KCNS3: variants seen among roughly 807,000 people sequenced by gnomAD.
The protein encoded by KCNS3 is delayed-rectifier potassium channel regulatory subunit KCNS3.
KCNS3 carries 13 observed loss-of-function variants against 31.0 expected under a neutral mutation model. The ratio of observed to expected loss-of-function variants is 0.42; its 90% CI spans 0.27 to 0.67. KCNS3 has a LOEUF of 0.67. Ranked by LOEUF, KCNS3 falls within the 30% of genes least tolerant of loss-of-function variation. The pLI is 0.25. For missense variants in KCNS3, 545 were observed against 622.4 expected (o/e 0.88, Z 1.32); for synonymous variants, 238 against 241.5 (o/e 0.99, Z 0.13).
At chr2:17,911,249 C>A (rs539009614) in intron 1 of KCNS3, among the ~76,000 whole-genome samples, 1 of 152,244 alleles carries the variant, frequency 6.6e-6, no homozygotes, top group Non-Finnish European at 1.5e-5. Flanking sequence ...CTTCTCAGCT[C>A]CTGTAAGCTT....
intron 1 of KCNS3, among the ~76,000 whole-genome samples, chr2:17,916,440 C>T (rs1013350299): frequency 2.6e-5 from 4 of 152,014 alleles, no homozygotes; most frequent in African/African-American, 9.7e-5. Context: ...TTTTACTTAC[C>T]CTGTTGAGAT....
chr2:17,879,652 C>T (rs1674593941), intron 1 of KCNS3, among the ~76,000 whole-genome samples: 1 of 152,164 alleles, frequency 6.6e-6, no homozygotes. Context: ...GGGCGCCTTT[C>T]GCATTGCAGG....
chr2:17,894,597 C>T (rs4832512), intron 1 of KCNS3, among the ~76,000 whole-genome samples: 49,713 of 152,144 alleles, frequency 0.33, 8,798 homozygotes, highest in East Asian at 0.58. Context: ...CTCACAGAAA[C>T]TTTGATTGTG....
At chr2:17,916,443 G>A (rs1662587968) in intron 1 of KCNS3, among the ~76,000 whole-genome samples, 1 of 152,168 alleles carries the variant, frequency 6.6e-6, no homozygotes, top group Non-Finnish European at 1.5e-5. Flanking sequence ...TACTTACCCT[G>A]TTGAGATTTC....
In KCNS3 at chr2:17,884,000, G is replaced by T. The variant is rs1418239437; in HGVS notation, c.-252+5194G>T. On this transcript the variant is annotated intron_variant, in intron 1 of 2. Coordinates refer to ENST00000304101, the MANE Select transcript of KCNS3 (RefSeq NM_002252.5). ...AAACCATCATTCTCAGCAAACTATCGCAAGGACAAAAAACCAAACACTGCA... is the reference window on the plus strand; with the variant it reads ...AAACCATCATTCTCAGCAAACTATCTCAAGGACAAAAAACCAAACACTGCA... Among the ~76,000 whole-genome samples the T allele has an allele frequency of 4.0e-5, 6 of 149,214 alleles. No individual in the cohort carries two copies. The East Asian group carries it at 1.2e-3, about 30-fold the overall frequency.
At chr2:17,899,174 C>T (rs1558450235) in intron 1 of KCNS3, among the ~76,000 whole-genome samples, 1 of 151,616 alleles carries the variant, frequency 6.6e-6, no homozygotes, top group Non-Finnish European at 1.5e-5. Flanking sequence ...TTCAGTGAGC[C>T]GAGATCCCAC....
rs187018590 is a variant in KCNS3, at chr2:17,932,600, A to G, written c.*116A>G. On this transcript the variant is annotated 3_prime_UTR_variant, in exon 3 of 3. Transcript: ENST00000304101. The stretch of plus-strand genomic sequence containing the variant: ...AATTCTCAGGGTGTACCTTTCAGCC[A>G]TAGTTGGACATTCATTGCTGAATTC... 266 of 1,082,450 alleles carry G rather than the reference A, an allele frequency of 2.5e-4. No individual in the cohort carries two copies. The highest frequency in any genetic ancestry group is 3.1e-4 in the Non-Finnish European group (236 of 756,366). The allele number at this position is 1,082,450 out of a possible 1,614,324, so 67.1% of individuals were successfully genotyped here. A position where few individuals can be genotyped will look rare whatever the true frequency, so the allele number is the denominator to read the frequency against.
intron 1 of KCNS3, among the ~76,000 whole-genome samples, chr2:17,908,898 T>C (rs1451349607): frequency 6.6e-6 from 1 of 152,190 alleles, no homozygotes; most frequent in Non-Finnish European, 1.5e-5. Context: ...GATAGGCTGC[T>C]CGGGGGTCAG....
At position 17,932,284 on chromosome 2, in the gene KCNS3, G is replaced by A; in HGVS notation, c.1276G>A (p.Glu426Lys). Residue 426 changes from glutamate to lysine, a missense_variant, in exon 3 of 3, where the codon GAG becomes AAG. Glu to Lys is a moderately conservative substitution (Grantham distance 56). Transcript: ENST00000304101. ...GGACATTGATGTGGACCAGTGCAGT[G>A]AGGATGCACCAGAGAAGTGTCATGA... Reference protein sequence around the residue: ...QKDIDVDQCSEDAPEKCHELP... With the variant: ...QKDIDVDQCSKDAPEKCHELP... 3.7e-6 allele frequency: 6 copies of A among 1,613,714 alleles called. No individual in the cohort carries two copies. The highest frequency in any genetic ancestry group is 5.1e-6 in the Non-Finnish European group (6 of 1,179,628).
intron 1 of KCNS3, among the ~76,000 whole-genome samples, chr2:17,897,052 C>T (rs1204319030): frequency 6.6e-6 from 1 of 151,852 alleles, no homozygotes; most frequent in African/African-American, 2.4e-5. Flanking sequence ...TGCTACCTCC[C>T]CCATCAGTAG....
intron 1 of KCNS3, among the ~76,000 whole-genome samples, chr2:17,914,435 G>A (rs1283729311): frequency 6.6e-6 from 1 of 152,146 alleles, no homozygotes; most frequent in Non-Finnish European, 1.5e-5. Context: ...CCACCATTTG[G>A]GTTGGACATG....
chr2:17,884,075 G>A (rs1450895087), intron 1 of KCNS3, among the ~76,000 whole-genome samples: 1 of 120,712 alleles, frequency 8.3e-6, no homozygotes, highest in African/African-American at 3.2e-5. Flanking sequence ...TTGGACACAG[G>A]AAGGGGAACA....
chr2:17,880,515 G>A (rs1165806934), intron 1 of KCNS3, among the ~76,000 whole-genome samples: 1 of 152,164 alleles, frequency 6.6e-6, no homozygotes, highest in Admixed American at 6.5e-5. Context: ...GTCATATGAA[G>A]GTGCCATAGA....
intron 1 of KCNS3, among the ~76,000 whole-genome samples, chr2:17,912,653 G>A (rs1330996391): frequency 6.6e-6 from 1 of 152,226 alleles, no homozygotes; most frequent in Non-Finnish European, 1.5e-5. Flanking sequence ...CATTCCCCAG[G>A]GGGAGGTTGT....
At chr2:17,888,627 ATGT>A (rs1462098247) in intron 1 of KCNS3, among the ~76,000 whole-genome samples, 2 of 57,726 alleles carry the variant, frequency 3.5e-5, no homozygotes, top group Non-Finnish European at 6.6e-5. Context: ...AATAAAAAAA[ATGT>A]ATATATATAT....
At chr2:17,924,167 T>C (rs980486619) in intron 2 of KCNS3, among the ~76,000 whole-genome samples, 15 of 151,952 alleles carry the variant, frequency 9.9e-5, no homozygotes, top group Non-Finnish European at 1.9e-4. Flanking sequence ...GTATTATTGC[T>C]AGTATATAGA....
At chr2:17,901,867 C>G (rs529328614) in intron 1 of KCNS3, among the ~76,000 whole-genome samples, 1 of 152,172 alleles carries the variant, frequency 6.6e-6, no homozygotes, top group Non-Finnish European at 1.5e-5. Flanking sequence ...GATCTGGCCA[C>G]GTGATACCCA....
chr2:17,905,256 C>T (rs1198163735), intron 1 of KCNS3, among the ~76,000 whole-genome samples: 2 of 152,152 alleles, frequency 1.3e-5, no homozygotes, highest in East Asian at 3.9e-4. Context: ...ATTTGGCTCT[C>T]TGTTTGTCTG....
chr2:17,907,929 TTGTG>T (rs1662376264), intron 1 of KCNS3, among the ~76,000 whole-genome samples: 1 of 152,178 alleles, frequency 6.6e-6, no homozygotes, highest in African/African-American at 2.4e-5. Context: ...GATCTGACAA[TTGTG>T]TGTCTTGGAG....
Sources: gnomAD v4.1 joint callset for allele counts (sites outside exome capture counted in the v4.1 genomes callset) on GRCh38, gnomAD v4.1.1 for gene constraint, MANE v1.5 for transcripts, NCBI Gene and HGNC (gene_info 2026-07-23, HGNC 2026-07-21) for gene names.